Variants in CD59 observed in about 807,000 individuals in gnomAD.
The protein encoded by CD59 is CD59 glycoprotein.
Under a neutral mutation model 7.0 loss-of-function variants are expected in CD59, and 3 were observed. The ratio of observed to expected loss-of-function variants is 0.43; its 90% confidence interval spans 0.19 to 1.10. The LOEUF is 1.10. CD59 is among the 50% of genes least tolerant of loss of function. The pLI is 0.29. For synonymous variants in CD59, 60 were observed against 62.0 expected (o/e 0.97, Z 0.15); for missense variants, 143 against 151.0 (o/e 0.95, Z 0.28).
At position 33,705,947 on chromosome 11, in the gene CD59, TA is replaced by T. The variant is rs1440404952; in HGVS notation, c.*4178del. On this transcript the variant is annotated 3_prime_UTR_variant, in exon 4 of 4. Transcript: ENST00000642928. ...AGAGTCAGCACCAGCACTGATCATA[TA>T]TAGGATCAGCCTACTGGGGTTGGCC... 1 of 152,094 alleles carries T rather than the reference TA, an allele frequency of 6.6e-6. No individual in the cohort carries two copies. Among genetic ancestry groups the T allele is most frequent in the Non-Finnish European group, 1.5e-5 (1 of 68,026 alleles). The allele number at this position is 152,094 out of a possible 1,614,324, so 9.4% of individuals were successfully genotyped here.
intron 1 of CD59, 21 bp from the exon 2 acceptor site, chr11:33,722,484 G>C: frequency 6.2e-7 from 1 of 1,612,804 alleles, no homozygotes; most frequent in Non-Finnish European, 8.5e-7. Context: ...GGGACAGGAA[G>C]GAATGTCAGG....
rs778259700 is a variant in CD59 at position 33,722,372 on chromosome 11, C to T, written c.67+7G>A. ...CTAGATCCATGTCCTGAGACTGGAG[C>T]ACTCACCTGAATGGCAGAAGACAGC... is the stretch of plus-strand genomic sequence containing the variant. On this transcript the variant is annotated splice_region_variant and intron_variant, in intron 2 of 3. Transcript: ENST00000642928. The T allele has an allele frequency of 3.1e-6, 5 of 1,600,782 alleles. No homozygotes were observed. The East Asian group carries it at 8.9e-5, about 29-fold the overall frequency.
intron 1 of CD59, among the ~76,000 whole-genome samples, chr11:33,729,140 G>C (rs1350825368): frequency 6.6e-6 from 1 of 152,046 alleles, no homozygotes; most frequent in Non-Finnish European, 1.5e-5. Context: ...ATCTGACCCA[G>C]CAATCCCATT....
chr11:33,712,513 G>GA (rs1168677541), intron 3 of CD59, among the ~76,000 whole-genome samples: 2 of 152,006 alleles, frequency 1.3e-5, no homozygotes, highest in Non-Finnish European at 2.9e-5. Context: ...TATGTTTAGT[G>GA]AAAAAAAAGC....
Position 33,710,045 on chromosome 11 carries a change from T to G in CD59, c.*81A>C, listed in dbSNP as rs774842026. ...CCCAACAGGATCCATTTGGAAAATA[T>G]CAAGCCTTTAGAATGTGGCAGCAAG... On this transcript the variant is annotated 3_prime_UTR_variant, in exon 4 of 4. Coordinates refer to ENST00000642928, the MANE Select transcript of CD59 (RefSeq NM_000611.6). 5.4e-6 allele frequency: 6 copies of G among 1,106,628 alleles called. No homozygotes were observed. Among genetic ancestry groups the G allele is most frequent in the Non-Finnish European group, 8.1e-6 (6 of 740,534 alleles). 68.6% of individuals were successfully genotyped at this position (1,106,628 alleles called of 1,614,324 possible).
At chr11:33,721,267 T>C (rs941779783) in intron 2 of CD59, among the ~76,000 whole-genome samples, 3 of 152,178 alleles carry the variant, frequency 2.0e-5, no homozygotes, top group Admixed American at 6.5e-5. Context: ...TTAAAGTGTG[T>C]CCTGGCGCCA....
intron 1 of CD59, among the ~76,000 whole-genome samples, chr11:33,730,937 G>A (rs558098370): frequency 1.1e-4 from 17 of 152,258 alleles, no homozygotes; most frequent in African/African-American, 3.9e-4. Context: ...GTAAACAGAC[G>A]ACATAAACTG....
In CD59 at chr11:33,708,764, T is replaced by G. The variant is rs569471525; in HGVS notation, c.*1362A>C. 78 of 152,350 alleles carry G rather than the reference T, an allele frequency of 5.1e-4. No individual in the cohort carries two copies. Among genetic ancestry groups the G allele is most frequent in the African/African-American group, 1.8e-3 (76 of 41,590 alleles). 9.4% of individuals were successfully genotyped at this position (152,350 alleles called of 1,614,324 possible). A position where few individuals can be genotyped will look rare whatever the true frequency, so the allele number is the denominator to read the frequency against. On this transcript the variant is annotated 3_prime_UTR_variant, in exon 4 of 4. Transcript: ENST00000642928. Reference sequence around the variant, plus strand: ...CTGGCACTGCTCAGGATGTCTTCTTTCAGTTGCTACCATTAAGCATACTGC... The same window carrying G: ...CTGGCACTGCTCAGGATGTCTTCTTGCAGTTGCTACCATTAAGCATACTGC...
chr11:33,708,554 C>G lies in CD59; in HGVS notation c.*1572G>C, dbSNP rs1053046777. 1 of 134,242 alleles carries G rather than the reference C, an allele frequency of 7.4e-6. No homozygotes were observed. Among genetic ancestry groups the G allele is most frequent in the African/African-American group, 2.8e-5 (1 of 35,472 alleles). The allele number at this position is 134,242 out of a possible 1,614,324, so 8.3% of individuals were successfully genotyped here. A position where few individuals can be genotyped will look rare whatever the true frequency, so the allele number is the denominator to read the frequency against. ...CTTAGAACTCACATGAAATGAGCTT[C>G]TTTGCTCAGCCGGTGGCTGTGGGCA... is the stretch of plus-strand genomic sequence containing the variant. On this transcript the variant is annotated 3_prime_UTR_variant, in exon 4 of 4. Coordinates refer to ENST00000642928, the MANE Select transcript of CD59 (RefSeq NM_000611.6).
Position 33,722,428 on chromosome 11 carries a change from C to T in CD59, c.18G>A (p.Gly6=), listed in dbSNP as rs111771149. 3.2e-3 allele frequency: 5,093 copies of T among 1,614,016 alleles called. 12 individuals carry two copies. The highest frequency in any genetic ancestry group is 3.9e-3 in the Non-Finnish European group (4,640 of 1,179,934). Residue 6 remains glycine (G), a synonymous_variant, in exon 2 of 4, where the codon GGG becomes GGA. Transcript: ENST00000642928. Reference sequence around the variant, plus strand: ...CGAGCAGCAGCCCGAACAGGACAGACCCTCCTTGGATTCCCATTGTGATTG... The same window carrying T: ...CGAGCAGCAGCCCGAACAGGACAGATCCTCCTTGGATTCCCATTGTGATTG... MGIQG[G]SVLFGLLLVL...
chr11:33,723,401 A>C (rs1471520033), intron 1 of CD59, among the ~76,000 whole-genome samples: 1 of 152,182 alleles, frequency 6.6e-6, no homozygotes, highest in Non-Finnish European at 1.5e-5. Context: ...ACACATCTTG[A>C]AGGTCATCTG....
rs12136 is a variant in CD59 at position 33,710,078 on chromosome 11, G to T, written c.*48C>A. The T allele has an allele frequency of 2.2e-6, 3 of 1,354,576 alleles. No individual in the cohort carries two copies. The highest frequency in any genetic ancestry group is 3.1e-6 in the Non-Finnish European group (3 of 956,254). 83.9% of individuals were successfully genotyped at this position (1,354,576 alleles called of 1,614,324 possible). On this transcript the variant is annotated 3_prime_UTR_variant, in exon 4 of 4. Transcript: ENST00000642928. ...TTAGAATGTGGCAGCAAGAGAAAGC[G>T]GACTACGCAGGAACGGGGAGTTTGG... is the stretch of plus-strand genomic sequence containing the variant.
chr11:33,724,841 C>T (rs1854206922), intron 1 of CD59, among the ~76,000 whole-genome samples: 1 of 152,116 alleles, frequency 6.6e-6, no homozygotes, highest in South Asian at 2.1e-4. Context: ...GAAGCCAAGA[C>T]AGCAGAGAAA....
intron 1 of CD59, 166 bp from the exon 2 acceptor site, chr11:33,722,629 C>T: frequency 3.4e-6 from 5 of 1,487,754 alleles, no homozygotes; most frequent in Non-Finnish European, 4.5e-6. Context: ...CCCACAGCAC[C>T]ATATACCCTT....
chr11:33,729,007 C>T (rs1854337767), intron 1 of CD59, among the ~76,000 whole-genome samples: 1 of 152,276 alleles, frequency 6.6e-6, no homozygotes, highest in Non-Finnish European at 1.5e-5. Context: ...ATTAAAAAGT[C>T]AGGAAACAAC....
In CD59 at chr11:33,715,606, G is replaced by GA. The variant is rs974178986; in HGVS notation, c.169+1763dup. Among the ~76,000 whole-genome samples the GA allele has an allele frequency of 6.6e-4, 97 of 146,986 alleles. No individual in the cohort carries two copies. In the South Asian group the frequency reaches 6.7e-3, roughly 10 times the overall value. On this transcript the variant is annotated intron_variant, in intron 3 of 3. Coordinates refer to ENST00000642928, the MANE Select transcript of CD59 (RefSeq NM_000611.6). ...CAGAGCAAGACCTTGTCTCAAAAAA[G>GA]AAAAAAAAAACCAGAAAAACAAAGT...
intron 1 of CD59, among the ~76,000 whole-genome samples, chr11:33,728,544 G>T (rs985524847): frequency 1.3e-5 from 2 of 152,172 alleles, no homozygotes; most frequent in African/African-American, 4.8e-5. Context: ...AGACTTAAAT[G>T]TAAGACCTAA....
rs953331619 is a variant in CD59, at chr11:33,707,990, G to C, written c.*2136C>G. Reference sequence around the variant, plus strand: ...TGAAGAAATGTGACATGAGGGTGGAGGTTCCTGTCCAGCACTCTTACACTC... The same window carrying C: ...TGAAGAAATGTGACATGAGGGTGGACGTTCCTGTCCAGCACTCTTACACTC... On this transcript the variant is annotated 3_prime_UTR_variant, in exon 4 of 4. Transcript: ENST00000642928. 7 of 152,200 alleles carry C rather than the reference G, an allele frequency of 4.6e-5. No individual in the cohort carries two copies. The highest frequency in any genetic ancestry group is 1.7e-4 in the African/African-American group (7 of 41,436). The allele number at this position is 152,200 out of a possible 1,614,324, so 9.4% of individuals were successfully genotyped here.
chr11:33,716,048 C>T (rs766630843), intron 3 of CD59, among the ~76,000 whole-genome samples: 4 of 152,182 alleles, frequency 2.6e-5, no homozygotes, highest in Admixed American at 6.5e-5. Flanking sequence ...ACCATGTTCT[C>T]GCTAGGGGCC....
Sources: allele counts gnomAD v4.1 joint callset (sites outside exome capture counted in the v4.1 genomes callset), GRCh38; gene constraint gnomAD v4.1.1; transcripts MANE v1.5; gene names NCBI Gene and HGNC (gene_info 2026-07-23, HGNC 2026-07-21).